ULK4: variants seen among roughly 807,000 people sequenced by gnomAD.
ULK4 encodes the protein inactive serine/threonine-protein kinase ULK4.
A neutral mutation model predicts 160.6 loss-of-function variants in ULK4; 133 were observed. The ratio of observed to expected loss-of-function variants is 0.83; its 90% CI spans 0.72 to 0.96. ULK4 has a LOEUF of 0.96. Among genes scored for constraint, ULK4 ranks in the 40% least tolerant of loss-of-function variants. The pLI, the probability that ULK4 is intolerant of heterozygous loss-of-function variation, is 0.00. For synonymous variants in ULK4, 534 were observed against 539.8 expected, an observed-to-expected ratio of 0.99 and a Z score of 0.15; for missense variants, 1,580 against 1,499.5, an observed-to-expected ratio of 1.05 and a Z score of -0.89.
intron 35 of ULK4, among the ~76,000 whole-genome samples, chr3:41,336,310 ACAAT>A (rs1395207702): frequency 1.3e-5 from 2 of 152,232 alleles, no homozygotes; most frequent in East Asian, 1.9e-4. Context: ...AGTGTCCTCT[ACAAT>A]CAGTTTAAAG....
In ULK4 at chr3:41,625,280, CTT is replaced by C. The variant is rs1450249494; in HGVS notation, c.3072-9565_3072-9564del. Among the ~76,000 whole-genome samples the C allele has an allele frequency of 2.0e-5, 3 of 152,174 alleles. No individual in the cohort carries two copies. In the East Asian group the frequency reaches 5.8e-4, roughly 29 times the overall value. ...TTTTTTTAAACCATGAATTGAATAA[CTT>C]TTGATAAAATATCTGATATCCACGG... On this transcript the variant is annotated intron_variant, in intron 30 of 36. Coordinates refer to ENST00000301831, the MANE Select transcript of ULK4 (RefSeq NM_017886.4).
chr3:41,428,686 A>G (rs910029465), intron 34 of ULK4, among the ~76,000 whole-genome samples: 2 of 152,228 alleles, frequency 1.3e-5, no homozygotes, highest in African/African-American at 2.4e-5. Flanking sequence ...TCTCTATGTA[A>G]TAAGTGGTGC....
At chr3:41,364,809 G>A (rs1332241636) in intron 35 of ULK4, among the ~76,000 whole-genome samples, 8 of 152,286 alleles carry the variant, frequency 5.3e-5, no homozygotes, top group African/African-American at 1.9e-4. Context: ...TCGGAAAAGT[G>A]AAACTCTCAG....
chr3:41,367,133 C>T (rs985754808), intron 35 of ULK4, among the ~76,000 whole-genome samples: 2 of 152,188 alleles, frequency 1.3e-5, no homozygotes, highest in African/African-American at 2.4e-5. Context: ...TTGGGATCCC[C>T]TGTGGCCACT....
intron 31 of ULK4, among the ~76,000 whole-genome samples, chr3:41,595,008 GGT>G (rs1351633347): frequency 9.2e-5 from 14 of 152,130 alleles, no homozygotes; most frequent in African/African-American, 3.1e-4. Flanking sequence ...AAGCAGTTTT[GGT>G]GTGTGAGAGG....
At chr3:41,288,341 T>C (rs1350036120) in intron 35 of ULK4, among the ~76,000 whole-genome samples, 3 of 152,150 alleles carry the variant, frequency 2.0e-5, no homozygotes, top group Non-Finnish European at 2.9e-5. Flanking sequence ...TTCTGACCAG[T>C]ATGAGCTAAT....
At chr3:41,310,969 G>A (rs937923962) in intron 35 of ULK4, among the ~76,000 whole-genome samples, 1 of 151,630 alleles carries the variant, frequency 6.6e-6, no homozygotes. Flanking sequence ...CTCCAGCCTG[G>A]GCAACAGAGG....
At chr3:41,849,115 G>C (rs1276322601) in intron 17 of ULK4, among the ~76,000 whole-genome samples, 1 of 152,192 alleles carries the variant, frequency 6.6e-6, no homozygotes, top group African/African-American at 2.4e-5. Context: ...AAGCCACCTA[G>C]GCCTGCAGCA....
chr3:41,680,094 T>C (rs1180532338), intron 29 of ULK4, among the ~76,000 whole-genome samples: 1 of 152,208 alleles, frequency 6.6e-6, no homozygotes, highest in Non-Finnish European at 1.5e-5. Context: ...CATATAACTA[T>C]ATATGAATAC....
intron 25 of ULK4, among the ~76,000 whole-genome samples, chr3:41,706,433 CAT>C (rs906490292): frequency 1.4e-5 from 2 of 144,248 alleles, no homozygotes; most frequent in Non-Finnish European, 3.0e-5. Flanking sequence ...AACAAAATAA[CAT>C]ATATTATTTT....
chr3:41,279,255 T>TAAAAAAAAAAAAAAAAAAA (rs771175184), intron 35 of ULK4, among the ~76,000 whole-genome samples: 9 of 43,040 alleles, frequency 2.1e-4, no homozygotes, highest in African/African-American at 6.2e-4. Context: ...AAAAAAAGAG[T>TAAAAAAAAAAAAAAAAAAA]AAAAAAAAAA....
At chr3:41,565,484 A>T (rs1179021321) in intron 32 of ULK4, among the ~76,000 whole-genome samples, 2 of 152,182 alleles carry the variant, frequency 1.3e-5, no homozygotes, top group Non-Finnish European at 2.9e-5. Context: ...GAAGTAGTTA[A>T]GATTAGATGA....
At chr3:41,875,903 C>T (rs1717014) in intron 17 of ULK4, among the ~76,000 whole-genome samples, 46,589 of 149,470 alleles carry the variant, frequency 0.31, 10,564 homozygotes, top group African/African-American at 0.65. Context: ...AAACCTGACA[C>T]TGCATGCTTC....
intron 17 of ULK4, among the ~76,000 whole-genome samples, chr3:41,861,661 T>C (rs745631911): frequency 7.9e-5 from 12 of 152,198 alleles, no homozygotes; most frequent in Non-Finnish European, 1.6e-4. Context: ...TTCTATGACC[T>C]TCTTGTACTT....
At chr3:41,650,887 G>C (rs1210726538) in intron 30 of ULK4, among the ~76,000 whole-genome samples, 4 of 152,316 alleles carry the variant, frequency 2.6e-5, no homozygotes, top group African/African-American at 9.6e-5. Flanking sequence ...CCCTGCACTA[G>C]ATTGTTCTCA....
intron 30 of ULK4, among the ~76,000 whole-genome samples, chr3:41,637,764 T>G (rs1029317628): frequency 1.3e-5 from 2 of 152,184 alleles, no homozygotes; most frequent in African/African-American, 4.8e-5. Context: ...CTTATTGTGG[T>G]TTTAATCTGC....
At chr3:41,340,382 T>C (rs778812529) in intron 35 of ULK4, among the ~76,000 whole-genome samples, 24 of 152,248 alleles carry the variant, frequency 1.6e-4, no homozygotes, top group Non-Finnish European at 2.9e-4. Flanking sequence ...GGCAAGGTTA[T>C]CCATGGTTCT....
intron 34 of ULK4, among the ~76,000 whole-genome samples, chr3:41,445,652 G>A (rs62259308): frequency 1.3e-5 from 2 of 152,032 alleles, no homozygotes; most frequent in Non-Finnish European, 2.9e-5. Context: ...AAATGGTGCT[G>A]GGGAAACTGG....
chr3:41,563,893 T>C (rs2087692157), intron 32 of ULK4, among the ~76,000 whole-genome samples: 1 of 152,236 alleles, frequency 6.6e-6, no homozygotes, highest in Non-Finnish European at 1.5e-5. Flanking sequence ...TGTCCAGCTT[T>C]GTTCCGTTGC....
Sources: allele counts gnomAD v4.1 joint callset (sites outside exome capture counted in the v4.1 genomes callset), GRCh38; gene constraint gnomAD v4.1.1; transcripts MANE v1.5; gene names NCBI Gene and HGNC (gene_info 2026-07-23, HGNC 2026-07-21).